SERTM1: variants seen among roughly 807,000 people sequenced by gnomAD.
The protein encoded by SERTM1 is serine-rich and transmembrane domain-containing protein 1.
SERTM1 carries 1 observed loss-of-function variant against 5.5 expected under a neutral mutation model. That is an observed-to-expected ratio of 0.18 (90% CI 0.06 to 0.86). The LOEUF is 0.86. Ranked by LOEUF, SERTM1 falls within the 40% of genes least tolerant of loss-of-function variation. The pLI is 0.69. For synonymous variants in SERTM1, 52 were observed against 55.1 expected (o/e 0.94, Z 0.25); for missense variants, 91 against 122.4 (o/e 0.74, Z 1.21).
At chr13:36,688,730 CT>C (rs969982027) in intron 1 of SERTM1, among the ~76,000 whole-genome samples, 4 of 152,112 alleles carry the variant, frequency 2.6e-5, no homozygotes, top group South Asian at 2.1e-4. Flanking sequence ...AAAAGCCAAT[CT>C]TTTTTTTACC....
chr13:36,678,155 A>T (rs544100109), intron 1 of SERTM1, among the ~76,000 whole-genome samples: 1 of 152,286 alleles, frequency 6.6e-6, no homozygotes, highest in Middle Eastern at 3.4e-3. Flanking sequence ...TCTTAATGAA[A>T]ATACCTTTAT....
intron 1 of SERTM1, among the ~76,000 whole-genome samples, chr13:36,685,430 C>T (rs986190655): frequency 5.3e-5 from 8 of 152,174 alleles, no homozygotes; most frequent in African/African-American, 1.4e-4. Flanking sequence ...TTGTATAGAT[C>T]GTGTTTTATG....
intron 1 of SERTM1, among the ~76,000 whole-genome samples, chr13:36,683,368 T>C (rs1820428772): frequency 6.6e-6 from 1 of 152,142 alleles, no homozygotes; most frequent in African/African-American, 2.4e-5. Flanking sequence ...CATACACAAT[T>C]CATACAACTC....
chr13:36,683,976 G>GT (rs2056723552), intron 1 of SERTM1, among the ~76,000 whole-genome samples: 1 of 152,220 alleles, frequency 6.6e-6, no homozygotes, highest in Admixed American at 6.5e-5. Flanking sequence ...GCCTCTAAGT[G>GT]GTTGGGTGAG....
At chr13:36,691,123 A>T (rs772225663) in intron 1 of SERTM1, among the ~76,000 whole-genome samples, 17 of 152,176 alleles carry the variant, frequency 1.1e-4, no homozygotes, top group Non-Finnish European at 2.4e-4. Flanking sequence ...GAAGTCAAGG[A>T]TGTGGCGCAG....
chr13:36,679,712 A>G (rs936291133), intron 1 of SERTM1, among the ~76,000 whole-genome samples: 1 of 152,158 alleles, frequency 6.6e-6, no homozygotes, highest in African/African-American at 2.4e-5. Context: ...TGACCTGCTT[A>G]GTTACCCTTG....
chr13:36,684,694 G>A (rs1008805967), intron 1 of SERTM1, among the ~76,000 whole-genome samples: 1 of 151,716 alleles, frequency 6.6e-6, no homozygotes, highest in African/African-American at 2.4e-5. Flanking sequence ...AAACGAAAGA[G>A]AACTGATACT....
chr13:36,686,425 A>G (rs2138091474), intron 1 of SERTM1, among the ~76,000 whole-genome samples: 1 of 152,346 alleles, frequency 6.6e-6, no homozygotes, highest in South Asian at 2.1e-4. Flanking sequence ...ATTTTCTTCA[A>G]CTTGCACGTT....
At chr13:36,676,388 T>C (rs2056669969) in intron 1 of SERTM1, among the ~76,000 whole-genome samples, 1 of 152,048 alleles carries the variant, frequency 6.6e-6, no homozygotes, top group African/African-American at 2.4e-5. Context: ...TCCCTATACT[T>C]ATATTACAAC....
intron 1 of SERTM1, among the ~76,000 whole-genome samples, chr13:36,683,155 C>T (rs1373773371): frequency 6.6e-6 from 1 of 152,116 alleles, no homozygotes; most frequent in African/African-American, 2.4e-5. Context: ...ACCATTTGGC[C>T]TGTTTAAGTG....
At chr13:36,676,965 G>A (rs1051617113) in intron 1 of SERTM1, among the ~76,000 whole-genome samples, 4 of 152,268 alleles carry the variant, frequency 2.6e-5, no homozygotes, top group Non-Finnish European at 5.9e-5. Flanking sequence ...CCCTTGGTAT[G>A]CATATGTGGC....
intron 1 of SERTM1, among the ~76,000 whole-genome samples, chr13:36,681,646 G>A (rs563380956): frequency 3.3e-5 from 5 of 152,118 alleles, no homozygotes; most frequent in Admixed American, 6.5e-5. Context: ...TTCCACAGAT[G>A]AGCACAGTGT....
intron 1 of SERTM1, among the ~76,000 whole-genome samples, chr13:36,675,612 T>TAAAA (rs1242053285): frequency 3.3e-5 from 5 of 152,222 alleles, no homozygotes; most frequent in African/African-American, 1.2e-4. Flanking sequence ...ATATCTTTTT[T>TAAAA]GTAACTAAAT....
intron 1 of SERTM1, among the ~76,000 whole-genome samples, chr13:36,691,140 C>T (rs1314472902): frequency 6.6e-6 from 1 of 152,188 alleles, no homozygotes; most frequent in Admixed American, 6.5e-5. Flanking sequence ...GCAGGCTGGG[C>T]CCATGCGCTG....
intron 1 of SERTM1, among the ~76,000 whole-genome samples, chr13:36,689,747 G>T (rs1409689514): frequency 4.0e-5 from 6 of 151,290 alleles, no homozygotes; most frequent in Non-Finnish European, 8.8e-5. Context: ...AATATTCTGA[G>T]AATTATACCT....
chr13:36,695,243 G>A lies in SERTM1; in HGVS notation c.165G>A (p.Leu55=). Residue 55 remains leucine (L), a synonymous_variant, in exon 2 of 2, where the codon CTG becomes CTA. Transcript: ENST00000315190. ...TATTCCTCAGCCTTTTAGCGTTTCT[G>A]CTTCTGCTTTTAATCATTGCCCTCC... ...VSIFLSLLAF[L]LLLLIIALQR... 6.2e-7 allele frequency: 1 copy of A among 1,614,124 alleles called. No homozygotes were observed. Among genetic ancestry groups the A allele is most frequent in the Non-Finnish European group, 8.5e-7 (1 of 1,180,032 alleles).
chr13:36,689,232 G>C lies in SERTM1; in HGVS notation c.-173-5674G>C, dbSNP rs113261040. Among the ~76,000 whole-genome samples, 4 of 152,142 alleles carry C rather than the reference G, an allele frequency of 2.6e-5. No homozygotes were observed. In the East Asian group the frequency reaches 7.7e-4, roughly 29 times the overall value. ...TTAAGAATAATAGTTACATCCAGGC[G>C]TGGTGGCTCATGCCTGTAATCCCAG... On this transcript the variant is annotated intron_variant, in intron 1 of 1. Coordinates refer to ENST00000315190, the MANE Select transcript of SERTM1 (RefSeq NM_203451.3).
chr13:36,687,791 C>T (rs1189808950), intron 1 of SERTM1, among the ~76,000 whole-genome samples: 1 of 152,066 alleles, frequency 6.6e-6, no homozygotes, highest in Non-Finnish European at 1.5e-5. Flanking sequence ...CGTAATAAGA[C>T]ATTTACAGGA....
chr13:36,675,571 T>C (rs577427226), intron 1 of SERTM1, among the ~76,000 whole-genome samples: 10 of 152,368 alleles, frequency 6.6e-5, no homozygotes, highest in African/African-American at 2.4e-4. Context: ...TGTCTCAGCT[T>C]ATTTGTGATC....
Sources: allele counts gnomAD v4.1 joint callset (sites outside exome capture counted in the v4.1 genomes callset), GRCh38; gene constraint gnomAD v4.1.1; transcripts MANE v1.5; gene names NCBI Gene and HGNC (gene_info 2026-07-23, HGNC 2026-07-21).